Variants in RGS6 observed in about 807,000 individuals in gnomAD.
The protein encoded by RGS6 is regulator of G protein signaling 6.
RGS6 carries 30 observed loss-of-function variants against 78.5 expected under a neutral mutation model. That is an observed-to-expected ratio of 0.38 (90% CI 0.29 to 0.52). RGS6 has a LOEUF of 0.52. Among genes scored for constraint, RGS6 ranks in the 20% least tolerant of loss-of-function variants. RGS6 has a pLI of 0.85. For missense variants in RGS6, 495 were observed against 609.7 expected, an observed-to-expected ratio of 0.81 and a Z score of 1.98; for synonymous variants, 206 against 206.0, an observed-to-expected ratio of 1.00 and a Z score of 0.00.
chr14:72,261,359 A>G (rs961401298), intron 2 of RGS6, among the ~76,000 whole-genome samples: 2 of 152,228 alleles, frequency 1.3e-5, no homozygotes, highest in African/African-American at 4.8e-5. Context: ...AGGAAAGGCT[A>G]CAGTCCCTTC....
downstream of RGS6, among the ~76,000 whole-genome samples, chr14:72,570,307 T>C (rs1271308669): frequency 3.3e-5 from 5 of 152,160 alleles, no homozygotes; most frequent in African/African-American, 1.2e-4. Context: ...GACTTGAGCC[T>C]CCTCAGATTT....
the RGS6 span, among the ~76,000 whole-genome samples, chr14:71,919,702 T>C: frequency 6.6e-6 from 1 of 152,216 alleles, no homozygotes; most frequent in African/African-American, 2.4e-5. Flanking sequence ...ACATTAGAAA[T>C]AATTTTTTAA....
chr14:72,148,797 G>T (rs2153631169), intron 2 of RGS6, among the ~76,000 whole-genome samples: 1 of 152,292 alleles, frequency 6.6e-6, no homozygotes, highest in South Asian at 2.1e-4. Context: ...ACTTTGGACA[G>T]GTTGAATTCA....
chr14:72,294,964 C>T (rs1478998486), intron 2 of RGS6, among the ~76,000 whole-genome samples: 1 of 152,200 alleles, frequency 6.6e-6, no homozygotes. Flanking sequence ...TAGGAGGAAA[C>T]TTGGTATGCT....
intron 3 of RGS6, among the ~76,000 whole-genome samples, chr14:72,407,747 T>C (rs2093053740): frequency 6.6e-6 from 1 of 152,252 alleles, no homozygotes; most frequent in South Asian, 2.1e-4. Flanking sequence ...GTACTTGAAG[T>C]GCAAGGGAAA....
intron 2 of RGS6, among the ~76,000 whole-genome samples, chr14:72,002,160 A>AT (rs948453858): frequency 2.0e-5 from 3 of 151,964 alleles, no homozygotes. Context: ...AAGTGCTGGG[A>AT]TTACAGACGT....
At chr14:71,875,222 C>G in the RGS6 span, among the ~76,000 whole-genome samples, 2 of 152,116 alleles carry the variant, frequency 1.3e-5, no homozygotes, top group Non-Finnish European at 2.9e-5. Flanking sequence ...AGGAATGGTA[C>G]CAGCTCCTCT....
rs2097693236 is a variant in RGS6 at position 72,563,038 on chromosome 14, T to C, written c.*571T>C. On this transcript the variant is annotated 3_prime_UTR_variant, in exon 18 of 18. Transcript: ENST00000553525. ...ACTGCTTTCACGTAAAATGTCCAAATCACATCTTCAGCAAGAAAGCAACCT... is the reference window on the plus strand; with the variant it reads ...ACTGCTTTCACGTAAAATGTCCAAACCACATCTTCAGCAAGAAAGCAACCT... 6.0e-6 allele frequency: 3 copies of C among 498,354 alleles called. No individual in the cohort carries two copies. The highest frequency in any genetic ancestry group is 3.2e-5 in the Admixed American group (1 of 30,988). 30.9% of individuals were successfully genotyped at this position (498,354 alleles called of 1,614,324 possible).
intron 2 of RGS6, among the ~76,000 whole-genome samples, chr14:72,287,475 G>C (rs1024982909): frequency 1.3e-4 from 20 of 151,688 alleles, no homozygotes; most frequent in African/African-American, 4.6e-4. Flanking sequence ...TTATTTTTTT[G>C]AGACAGAGTC....
At chr14:72,009,069 C>T (rs1408162919) in intron 2 of RGS6, among the ~76,000 whole-genome samples, 1 of 152,174 alleles carries the variant, frequency 6.6e-6, no homozygotes, top group Non-Finnish European at 1.5e-5. Context: ...CAGTAAAAAC[C>T]TTGGGCCAGG....
chr14:72,441,426 G>C (rs2095196149), intron 3 of RGS6, among the ~76,000 whole-genome samples: 1 of 152,220 alleles, frequency 6.6e-6, no homozygotes, highest in Admixed American at 6.5e-5. Context: ...GAAAAAAATG[G>C]AATTAGGGAT....
intron 2 of RGS6, among the ~76,000 whole-genome samples, chr14:72,083,248 A>G (rs1169164434): frequency 6.6e-6 from 1 of 152,170 alleles, no homozygotes; most frequent in Non-Finnish European, 1.5e-5. Context: ...TCTGACATAG[A>G]TCAACGGTTC....
At chr14:72,023,483 A>G (rs902438235) in intron 2 of RGS6, among the ~76,000 whole-genome samples, 2 of 151,226 alleles carry the variant, frequency 1.3e-5, no homozygotes, top group African/African-American at 4.8e-5. Flanking sequence ...AGGAAAATTT[A>G]GAAATCAGAG....
At chr14:71,933,326 A>G in intron 1 of RGS6, 1 of 151,236 alleles carries the variant, frequency 6.6e-6, no homozygotes, top group Non-Finnish European at 1.5e-5. Context: ...GCCTCTAATC[A>G]GGCGTTCATT....
chr14:72,175,885 G>C (rs2097098725), intron 2 of RGS6, among the ~76,000 whole-genome samples: 1 of 152,102 alleles, frequency 6.6e-6, no homozygotes, highest in African/African-American at 2.4e-5. Flanking sequence ...GGGCAGTGCT[G>C]GTCCCCCACT....
intron 15 of RGS6, among the ~76,000 whole-genome samples, chr14:72,526,792 G>A (rs1369340749): frequency 6.6e-6 from 1 of 152,230 alleles, no homozygotes; most frequent in African/African-American, 2.4e-5. Context: ...CCATATTGTT[G>A]CGGTATCTTT....
intron 2 of RGS6, among the ~76,000 whole-genome samples, chr14:72,262,174 G>A (rs1014546141): frequency 1.3e-5 from 2 of 152,110 alleles, no homozygotes; most frequent in Admixed American, 6.5e-5. Context: ...AGGATTGAAG[G>A]TGACCCTCAC....
intron 3 of RGS6, among the ~76,000 whole-genome samples, chr14:72,449,145 C>G (rs1384778045): frequency 1.3e-5 from 2 of 152,170 alleles, no homozygotes; most frequent in African/African-American, 4.8e-5. Flanking sequence ...AAGTCATAAC[C>G]TTGACTGAAG....
At chr14:72,414,291 T>C (rs999711461) in intron 3 of RGS6, among the ~76,000 whole-genome samples, 3 of 152,200 alleles carry the variant, frequency 2.0e-5, no homozygotes, top group Non-Finnish European at 2.9e-5. Context: ...TCTAAACTTC[T>C]CTTCTCGCTT....
Sources: allele counts gnomAD v4.1 joint callset (sites outside exome capture counted in the v4.1 genomes callset), GRCh38; gene constraint gnomAD v4.1.1; transcripts MANE v1.5; gene names NCBI Gene and HGNC (gene_info 2026-07-23, HGNC 2026-07-21).